Variants in NRG1 observed in about 807,000 individuals in gnomAD.
NRG1 encodes neuregulin 1, also known as pro-neuregulin-1, membrane-bound isoform.
NRG1 carries 18 observed loss-of-function variants against 63.8 expected under a neutral mutation model. That is an observed-to-expected ratio of 0.28 (90% CI 0.19 to 0.42). The LOEUF is 0.42. Ranked by LOEUF, NRG1 falls within the 10% of genes least tolerant of loss-of-function variation. The probability of loss-of-function intolerance (pLI) is 1.00; values close to 1 mark genes in which losing one functional copy is unlikely to be tolerated. For missense variants in NRG1, 762 were observed against 814.7 expected, an observed-to-expected ratio of 0.94 and a Z score of 0.79; for synonymous variants, 302 against 301.3, an observed-to-expected ratio of 1.00 and a Z score of -0.02.
At chr8:32,289,051 C>G (rs766714498) in intron 1 of NRG1, among the ~76,000 whole-genome samples, 1 of 152,186 alleles carries the variant, frequency 6.6e-6, no homozygotes, top group Non-Finnish European at 1.5e-5. Flanking sequence ...CTCTGAATTA[C>G]AAACAGAAGG....
intron 1 of NRG1, among the ~76,000 whole-genome samples, chr8:32,378,744 T>A (rs928601612): frequency 6.6e-6 from 1 of 152,098 alleles, no homozygotes; most frequent in African/African-American, 2.4e-5. Flanking sequence ...ATATTAGGTA[T>A]ATCTCCAAAT....
At chr8:31,960,001 G>A (rs1405248759) in intron 1 of NRG1, among the ~76,000 whole-genome samples, 1 of 151,976 alleles carries the variant, frequency 6.6e-6, no homozygotes, top group Non-Finnish European at 1.5e-5. Flanking sequence ...TGAGTTTTGT[G>A]AGAAGAGCAA....
At chr8:32,613,582 T>A (rs1846770848) in intron 3 of NRG1, among the ~76,000 whole-genome samples, 1 of 152,058 alleles carries the variant, frequency 6.6e-6, no homozygotes, top group Non-Finnish European at 1.5e-5. Context: ...GGATTCTCGG[T>A]TAGATCTCAT....
At chr8:31,763,719 G>C (rs544205828) in intron 1 of NRG1, among the ~76,000 whole-genome samples, 202 of 152,340 alleles carry the variant, frequency 1.3e-3, no homozygotes, top group African/African-American at 4.5e-3. Flanking sequence ...GGGAGGCCGA[G>C]GCGGGCAGAT....
chr8:31,991,376 T>TTCTG (rs1811052394), intron 1 of NRG1, among the ~76,000 whole-genome samples: 1 of 40,652 alleles, frequency 2.5e-5, no homozygotes, highest in South Asian at 1.1e-3. Context: ...CTCCTCCTCC[T>TTCTG]CCTCTTCTTC....
At chr8:31,731,313 T>C (rs11785744) in intron 1 of NRG1, among the ~76,000 whole-genome samples, 76,277 of 151,758 alleles carry the variant, frequency 0.5, 20,904 homozygotes, top group Non-Finnish European at 0.62. Context: ...TAGGGTTTAA[T>C]GATTTAAGAA....
At position 31,886,168 on chromosome 8, in the gene NRG1, C is replaced by T. The variant is rs866671599; in HGVS notation, c.37+246737C>T. Among the ~76,000 whole-genome samples the T allele has an allele frequency of 5.0e-4, 76 of 152,102 alleles. 1 individual carries two copies. The highest frequency in any genetic ancestry group is 1.6e-3 in the African/African-American group (66 of 41,506). ...AGAGTTAATTGAACAGTTGTGTTAACATTAATATAACATTGCTTGCTGGCT... is the reference window on the plus strand; with the variant it reads ...AGAGTTAATTGAACAGTTGTGTTAATATTAATATAACATTGCTTGCTGGCT... On this transcript the variant is annotated intron_variant, in intron 1 of 10. Transcript: ENST00000519301.
chr8:32,601,012 T>G lies in NRG1; in HGVS notation c.279-4550T>G, dbSNP rs112179976. Among the ~76,000 whole-genome samples the G allele has an allele frequency of 3.6e-3, 544 of 152,260 alleles. 5 individuals are homozygous for G. The highest frequency in any genetic ancestry group is 0.013 in the African/African-American group (521 of 41,560). ...TCCATACTTATCAAAGCCCCAAATC[T>G]TTTTGCAATATATAATTTTCAAGGA... On this transcript the variant is annotated intron_variant, in intron 2 of 11. Transcript: ENST00000356819.
intron 1 of NRG1, among the ~76,000 whole-genome samples, chr8:31,654,769 CTG>C (rs1805261407): frequency 6.6e-6 from 1 of 152,116 alleles, no homozygotes; most frequent in African/African-American, 2.4e-5. Flanking sequence ...GAGGCCCTGT[CTG>C]TGCAGAAACA....
At position 32,398,088 on chromosome 8, in the gene NRG1, A is replaced by T. The variant is rs552085874; in HGVS notation, c.38-197740A>T. Among the ~76,000 whole-genome samples, 5 of 152,334 alleles carry T rather than the reference A, an allele frequency of 3.3e-5. No homozygotes were observed. The East Asian group carries it at 7.7e-4, about 23-fold the overall frequency. On this transcript the variant is annotated intron_variant, in intron 1 of 10. Coordinates refer to the NRG1 transcript ENST00000519301. ...GATTCTGCAATGAGAATTAGTTGGT[A>T]TGTGATTGTTGAGCAGGGAAATAGT...
intron 1 of NRG1, among the ~76,000 whole-genome samples, chr8:32,132,601 T>C (rs1304639537): frequency 6.6e-6 from 1 of 152,082 alleles, no homozygotes; most frequent in Non-Finnish European, 1.5e-5. Context: ...AGTCCTGTCT[T>C]GATTCTCTGG....
intron 1 of NRG1, among the ~76,000 whole-genome samples, chr8:32,498,672 G>A (rs940874540): frequency 3.3e-5 from 5 of 152,048 alleles, no homozygotes; most frequent in African/African-American, 1.2e-4. Context: ...ATTTGGGTGG[G>A]GACACAGCCA....
At chr8:32,555,678 A>C (rs1243456350) in intron 1 of NRG1, among the ~76,000 whole-genome samples, 1 of 152,088 alleles carries the variant, frequency 6.6e-6, no homozygotes, top group East Asian at 1.9e-4. Context: ...TCACCGTGTT[A>C]GCCAGGATGG....
chr8:32,453,633 G>A (rs1237311185), intron 1 of NRG1, among the ~76,000 whole-genome samples: 1 of 152,146 alleles, frequency 6.6e-6, no homozygotes, highest in African/African-American at 2.4e-5. Context: ...TGGCTCAGAG[G>A]CTTTTCTGCA....
At chr8:32,462,185 C>T (rs535916941) in intron 1 of NRG1, among the ~76,000 whole-genome samples, 6 of 152,104 alleles carry the variant, frequency 3.9e-5, no homozygotes, top group African/African-American at 9.7e-5. Context: ...GGAGGTTTTA[C>T]GAAAAGGAGA....
At chr8:32,423,923 C>T (rs953851684) in intron 1 of NRG1, among the ~76,000 whole-genome samples, 5 of 152,086 alleles carry the variant, frequency 3.3e-5, no homozygotes, top group African/African-American at 1.2e-4. Context: ...CTTGCAGATA[C>T]TGGAATAATA....
chr8:32,468,023 C>T (rs1041736226), intron 1 of NRG1, among the ~76,000 whole-genome samples: 2 of 152,148 alleles, frequency 1.3e-5, no homozygotes, highest in East Asian at 1.9e-4. Context: ...TACGAGCAGG[C>T]GATAAACACA....
intron 1 of NRG1, among the ~76,000 whole-genome samples, chr8:31,701,662 T>C (rs922225314): frequency 6.6e-6 from 1 of 152,148 alleles, no homozygotes; most frequent in Non-Finnish European, 1.5e-5. Flanking sequence ...TAGATTTGCT[T>C]CTCAACAAAG....
chr8:32,659,772 C>T (rs1347201452), intron 5 of NRG1, among the ~76,000 whole-genome samples: 2 of 152,026 alleles, frequency 1.3e-5, no homozygotes, highest in African/African-American at 4.8e-5. Context: ...AACTAGAACT[C>T]GACCCTGAAT....
Sources: allele counts gnomAD v4.1 joint callset (sites outside exome capture counted in the v4.1 genomes callset), GRCh38; gene constraint gnomAD v4.1.1; transcripts MANE v1.5; gene names NCBI Gene and HGNC (gene_info 2026-07-23, HGNC 2026-07-21).